The following STK11 variants were observed in gnomAD, a reference collection of about 807,000 sequenced individuals.
The protein encoded by STK11 is serine/threonine kinase 11.
Under a neutral mutation model 47.3 loss-of-function variants are expected in STK11, and 8 were observed. That is an observed-to-expected ratio of 0.17 (90% CI 0.10 to 0.31). The LOEUF (loss-of-function observed/expected upper bound fraction) is 0.31, where lower values mean the gene tolerates loss of function less well. Among genes scored for constraint, STK11 ranks in the 10% least tolerant of loss-of-function variants. STK11 has a pLI of 1.00. For missense variants in STK11, 475 were observed against 605.0 expected (o/e 0.79, Z 2.25); for synonymous variants, 330 against 255.8 (o/e 1.29, Z -2.77).
chr19:1,226,186 G>T lies in STK11; in HGVS notation c.1109-268G>T, dbSNP rs561693291. On this transcript the variant is annotated intron_variant, in intron 8 of 9. Coordinates refer to ENST00000326873, the MANE Select transcript of STK11 (RefSeq NM_000455.5). ...TTCCTGCAGTCAGTACCTGGGTGGGGTCCCACCTGCGGCCATGGCAGGTGC... is the reference window on the plus strand; with the variant it reads ...TTCCTGCAGTCAGTACCTGGGTGGGTTCCCACCTGCGGCCATGGCAGGTGC... 9 of 1,324,524 alleles carry T rather than the reference G, an allele frequency of 6.8e-6. 1 individual carries two copies. The South Asian group carries it at 1.5e-4, about 22-fold the overall frequency. The allele number at this position is 1,324,524 out of a possible 1,614,324, so 82.0% of individuals were successfully genotyped here.
intron 1 of STK11, among the ~76,000 whole-genome samples, chr19:1,214,085 C>T (rs996446676): frequency 2.0e-5 from 3 of 152,248 alleles, no homozygotes; most frequent in African/African-American, 4.8e-5. Flanking sequence ...GAGCGGCTGG[C>T]GATGCCCCAA....
At chr19:1,218,548 G>T in intron 2 of STK11, 48 bp downstream of exon 2, 3 of 1,544,844 alleles carry the variant, frequency 1.9e-6, no homozygotes, top group Non-Finnish European at 2.7e-6. Context: ...GGAGGGGCTG[G>T]GGCCCTGGGT....
intron 1 of STK11, among the ~76,000 whole-genome samples, chr19:1,214,131 T>C (rs1300400403): frequency 6.6e-6 from 1 of 152,218 alleles, no homozygotes; most frequent in Non-Finnish European, 1.5e-5. Context: ...CTCTTCCTGT[T>C]CCTCGCCAAG....
rs1184467774 is a variant in STK11, at chr19:1,224,491, G to A, written c.1108+1319G>A. On this transcript the variant is annotated intron_variant, in intron 8 of 9. Transcript: ENST00000326873. ...TCAGAGCCCTGGTGCCCTGAGACGG[G>A]CAGCCAGGCAAATCCCAGGCAGGAG... 5.1e-6 allele frequency: 5 copies of A among 985,348 alleles called. No homozygotes were observed. In the Admixed American group the frequency reaches 1.8e-4, roughly 36 times the overall value. 61.0% of individuals were successfully genotyped at this position (985,348 alleles called of 1,614,324 possible).
chr19:1,223,238 T>G, intron 8 of STK11, 66 bp downstream of exon 8: 1 of 1,535,662 alleles, frequency 6.5e-7, no homozygotes, highest in South Asian at 1.2e-5. Flanking sequence ...GGGAGCAGGG[T>G]GCCTGCCTGT....
intron 1 of STK11, among the ~76,000 whole-genome samples, chr19:1,214,912 G>T (rs2080735290): frequency 6.6e-6 from 1 of 152,192 alleles, no homozygotes; most frequent in African/African-American, 2.4e-5. Flanking sequence ...AGGCTCTTGG[G>T]GCCTGTGCGT....
chr19:1,228,153 G>A lies in STK11; in HGVS notation c.*577G>A. 1 of 1,063,800 alleles carries A rather than the reference G, an allele frequency of 9.4e-7. No individual in the cohort carries two copies. The highest frequency in any genetic ancestry group is 1.1e-6 in the Non-Finnish European group (1 of 877,734). 65.9% of individuals were successfully genotyped at this position (1,063,800 alleles called of 1,614,324 possible). On this transcript the variant is annotated 3_prime_UTR_variant, in exon 10 of 10. Coordinates refer to ENST00000326873, the MANE Select transcript of STK11 (RefSeq NM_000455.5). Reference sequence around the variant, plus strand: ...GGGTGGCAGGGGGGCTGTGGGGTCGGGCTCACGTCGCGGCCGCCTTTGCGC... The same window carrying A: ...GGGTGGCAGGGGGGCTGTGGGGTCGAGCTCACGTCGCGGCCGCCTTTGCGC...
chr19:1,227,831 G>A lies in STK11; in HGVS notation c.*255G>A. On this transcript the variant is annotated 3_prime_UTR_variant, in exon 10 of 10. Coordinates refer to ENST00000326873, the MANE Select transcript of STK11 (RefSeq NM_000455.5). Reference sequence around the variant, plus strand: ...CGCAGCCCCGGGCGGAGCCTTCCCGGGCGGGCGTGGGAGGAGGGAGGCGGC... The same window carrying A: ...CGCAGCCCCGGGCGGAGCCTTCCCGAGCGGGCGTGGGAGGAGGGAGGCGGC... The A allele has an allele frequency of 5.6e-6, 6 of 1,071,176 alleles. No individual in the cohort carries two copies. Among genetic ancestry groups the A allele is most frequent in the Non-Finnish European group, 5.7e-6 (5 of 882,966 alleles). 66.4% of individuals were successfully genotyped at this position (1,071,176 alleles called of 1,614,324 possible).
intron 1 of STK11, 75 bp downstream of exon 1, chr19:1,207,278 C>T: frequency 8.6e-6 from 13 of 1,503,590 alleles, no homozygotes; most frequent in Non-Finnish European, 1.2e-5. Flanking sequence ...CCTTCCTTCT[C>T]TCCTCCCTCC....
At position 1,228,025 on chromosome 19, in the gene STK11, G is replaced by A; in HGVS notation, c.*449G>A. On this transcript the variant is annotated 3_prime_UTR_variant, in exon 10 of 10. Coordinates refer to ENST00000326873, the MANE Select transcript of STK11 (RefSeq NM_000455.5). ...ACCTGGAAGCCGCGCGGCCGCTTTG[G>A]TTTTTTGTTTGGTTGGTTCCATTTT... 2 of 1,066,706 alleles carry A rather than the reference G, an allele frequency of 1.9e-6. No individual in the cohort carries two copies. The highest frequency in any genetic ancestry group is 1.1e-6 in the Non-Finnish European group (1 of 880,198). 66.1% of individuals were successfully genotyped at this position (1,066,706 alleles called of 1,614,324 possible).
Position 1,227,617 on chromosome 19 carries a change from T to G in STK11, c.*41T>G, listed in dbSNP as rs1178036954. 1.9e-5 allele frequency: 20 copies of G among 1,065,622 alleles called. No homozygotes were observed. Among genetic ancestry groups the G allele is most frequent in the Non-Finnish European group, 2.2e-5 (19 of 879,676 alleles). The allele number at this position is 1,065,622 out of a possible 1,614,324, so 66.0% of individuals were successfully genotyped here. On this transcript the variant is annotated 3_prime_UTR_variant, in exon 10 of 10. Transcript: ENST00000326873. Reference sequence around the variant, plus strand: ...GCCCGTGTCCAGGAGCCCCGCCAGGTGCCCGCGCCAGGCCCTCAGTCTTCC... The same window carrying G: ...GCCCGTGTCCAGGAGCCCCGCCAGGGGCCCGCGCCAGGCCCTCAGTCTTCC...
At position 1,207,679 on chromosome 19, in the gene STK11, C is replaced by G. The variant is rs148151780; in HGVS notation, c.290+476C>G. Among the ~76,000 whole-genome samples, 249 of 152,322 alleles carry G rather than the reference C, an allele frequency of 1.6e-3. 1 individual carries two copies. The highest frequency in any genetic ancestry group is 5.8e-3 in the African/African-American group (243 of 41,572). On this transcript the variant is annotated intron_variant, in intron 1 of 9. Coordinates refer to ENST00000326873, the MANE Select transcript of STK11 (RefSeq NM_000455.5). ...ATTTGTTTATCCTGTCAGAGGGGAA[C>G]CCTGGGCTGCCAAAAATAACTGTTT...
chr19:1,223,959 G>A, intron 8 of STK11: 2 of 1,010,852 alleles, frequency 2.0e-6, no homozygotes, highest in Non-Finnish European at 2.4e-6. Context: ...GTGGTGGGCA[G>A]GGGCCGGCCT....
Position 1,206,724 on chromosome 19 carries a change from C to T in STK11, c.-190C>T. On this transcript the variant is annotated 5_prime_UTR_variant, in exon 1 of 10. Transcript: ENST00000326873. ...CCCTGCACCGGGCTTGGACTCGCAGCCGGGACTGACGTGTAGAACAATCGT... is the reference window on the plus strand; with the variant it reads ...CCCTGCACCGGGCTTGGACTCGCAGTCGGGACTGACGTGTAGAACAATCGT... The T allele has an allele frequency of 1.2e-6, 1 of 804,452 alleles. No homozygotes were observed. The highest frequency in any genetic ancestry group is 2.0e-5 in the South Asian group (1 of 50,096). The allele number at this position is 804,452 out of a possible 1,614,324, so 49.8% of individuals were successfully genotyped here.
Position 1,222,022 on chromosome 19 carries a change from G to A in STK11, c.920+16G>A, listed in dbSNP as rs1463228034. The A allele has an allele frequency of 6.4e-7, 1 of 1,562,386 alleles. No individual in the cohort carries two copies. The highest frequency in any genetic ancestry group is 1.2e-5 in the South Asian group (1 of 84,872). ...GGCAGCACAGGTGAGCGGCCCCTGG[G>A]GGCAGTGGGGCCGAGGCTGCAGGGA... is the stretch of plus-strand genomic sequence containing the variant. On this transcript the variant is annotated intron_variant, in intron 7 of 9. Coordinates refer to ENST00000326873, the MANE Select transcript of STK11 (RefSeq NM_000455.5).
At chr19:1,224,996 C>T in intron 8 of STK11, 1 of 985,604 alleles carries the variant, frequency 1.0e-6, no homozygotes, top group African/African-American at 1.7e-5. Context: ...GCCGGGGCTG[C>T]TGCATCGGCC....
chr19:1,210,159 C>A (rs2080699716), intron 1 of STK11, among the ~76,000 whole-genome samples: 2 of 152,132 alleles, frequency 1.3e-5, no homozygotes, highest in Non-Finnish European at 2.9e-5. Flanking sequence ...AGGGGGTCCT[C>A]CTATTCTGGG....
In STK11 at chr19:1,227,918, C is replaced by G; in HGVS notation, c.*342C>G. 2 of 1,070,274 alleles carry G rather than the reference C, an allele frequency of 1.9e-6. No individual in the cohort carries two copies. The highest frequency in any genetic ancestry group is 2.3e-6 in the Non-Finnish European group (2 of 882,290). 66.3% of individuals were successfully genotyped at this position (1,070,274 alleles called of 1,614,324 possible). Reference sequence around the variant, plus strand: ...CGTGGCCTCGTGCTCCGCAGGGCGCCCAGCGCCGTCCGGCGGCCCCGCCGC... The same window carrying G: ...CGTGGCCTCGTGCTCCGCAGGGCGCGCAGCGCCGTCCGGCGGCCCCGCCGC... On this transcript the variant is annotated 3_prime_UTR_variant, in exon 10 of 10. Transcript: ENST00000326873.
At chr19:1,208,485 T>C (rs1391326584) in intron 1 of STK11, among the ~76,000 whole-genome samples, 1 of 150,828 alleles carries the variant, frequency 6.6e-6, no homozygotes, top group Admixed American at 6.6e-5. Flanking sequence ...TTTTTTGTAT[T>C]TTTCAGTAGA....
Sources: allele counts gnomAD v4.1 joint callset (sites outside exome capture counted in the v4.1 genomes callset), GRCh38; gene constraint gnomAD v4.1.1; transcripts MANE v1.5; gene names NCBI Gene and HGNC (gene_info 2026-07-23, HGNC 2026-07-21).